Variants in ZC3H12B observed in about 807,000 individuals in gnomAD.
The protein encoded by ZC3H12B is zinc finger CCCH-type containing 12B, also known as probable ribonuclease ZC3H12B.
A neutral mutation model predicts 43.9 loss-of-function variants in ZC3H12B; 7 were observed. The observed-to-expected ratio is 0.16, with a 90% CI of 0.09 to 0.30. ZC3H12B has a LOEUF of 0.30. ZC3H12B is among the 10% of genes least tolerant of loss of function. The pLI is 1.00. For synonymous variants in ZC3H12B, 222 were observed against 241.7 expected (o/e 0.92, Z 0.76); for missense variants, 475 against 670.2 (o/e 0.71, Z 3.22).
At chrX:65,231,294 A>C in the ZC3H12B span, among the ~76,000 whole-genome samples, 1 of 111,317 alleles carries the variant, frequency 9.0e-6, no homozygotes, top group Non-Finnish European at 1.9e-5. Context: ...GCAAGATCAC[A>C]AGGCAAGGGC....
At chrX:65,161,462 T>G in the ZC3H12B span, among the ~76,000 whole-genome samples, 1 of 112,083 alleles carries the variant, frequency 8.9e-6, no homozygotes, top group Admixed American at 9.5e-5. Context: ...TGGGTGCATA[T>G]ATATTAATGA....
chrX:65,161,814 G>T, the ZC3H12B span, among the ~76,000 whole-genome samples: 3 of 111,609 alleles, frequency 2.7e-5, no homozygotes, highest in Non-Finnish European at 3.8e-5. Flanking sequence ...TATGGTGTTA[G>T]TTAGCTGGTT....
intron 3 of ZC3H12B, among the ~76,000 whole-genome samples, chrX:65,453,366 A>G (rs1186857253): frequency 1.7e-4 from 10 of 60,119 alleles, no homozygotes; most frequent in African/African-American, 9.3e-4. Flanking sequence ...ATGCATATAT[A>G]TATATATATA....
chrX:65,174,341 A>G, the ZC3H12B span, among the ~76,000 whole-genome samples: 1 of 112,416 alleles, frequency 8.9e-6, no homozygotes, highest in Non-Finnish European at 1.9e-5. Context: ...TTATCCATCC[A>G]AGGATTGAAA....
At chrX:65,380,154 G>C (rs2066415672) in intron 2 of ZC3H12B, among the ~76,000 whole-genome samples, 1 of 111,541 alleles carries the variant, frequency 9.0e-6, no homozygotes, top group Non-Finnish European at 1.9e-5. Context: ...AAACATAATT[G>C]TCAGATTCAC....
upstream of ZC3H12B, among the ~76,000 whole-genome samples, chrX:65,365,558 A>T (rs1165037805): frequency 9.0e-6 from 1 of 110,883 alleles, no homozygotes; most frequent in Admixed American, 9.6e-5. Flanking sequence ...TAGACCTGAA[A>T]AATATCGCCC....
At chrX:65,141,794 C>T in the ZC3H12B span, among the ~76,000 whole-genome samples, 67 of 111,611 alleles carry the variant, frequency 6.0e-4, 1 homozygote, top group African/African-American at 2.1e-3. Context: ...AGTTACTTCA[C>T]TTAGAATAAT....
the ZC3H12B span, among the ~76,000 whole-genome samples, chrX:65,102,381 C>T: frequency 2.7e-5 from 3 of 111,666 alleles, no homozygotes; most frequent in Admixed American, 2.9e-4. Flanking sequence ...GAAGTTCTGG[C>T]CAGAGCAATC....
chrX:65,454,881 T>A (rs1329002498), intron 3 of ZC3H12B, among the ~76,000 whole-genome samples: 1 of 111,805 alleles, frequency 8.9e-6, no homozygotes. Flanking sequence ...CTGGAGTGGA[T>A]TTCCGGCAAA....
intron 2 of ZC3H12B, among the ~76,000 whole-genome samples, chrX:65,381,991 C>A (rs1007211229): frequency 9.0e-6 from 1 of 111,639 alleles, no homozygotes; most frequent in Non-Finnish European, 1.9e-5. Flanking sequence ...AGTCCAGGAC[C>A]AGATGGATTC....
chrX:65,222,697 A>G, the ZC3H12B span, among the ~76,000 whole-genome samples: 3 of 109,118 alleles, frequency 2.7e-5, no homozygotes, highest in East Asian at 2.8e-4. Context: ...AGACCTCTAC[A>G]TGGAAAAACT....
chrX:65,388,176 G>C (rs913500278), intron 2 of ZC3H12B, among the ~76,000 whole-genome samples: 1 of 111,462 alleles, frequency 9.0e-6, no homozygotes, highest in African/African-American at 3.3e-5. Context: ...TCCTGAATTT[G>C]AATGTTGGCC....
At chrX:65,261,391 G>A in the ZC3H12B span, among the ~76,000 whole-genome samples, 1 of 111,199 alleles carries the variant, frequency 9.0e-6, no homozygotes, top group South Asian at 3.7e-4. Flanking sequence ...TCTAGAAATA[G>A]CCTTCCATAA....
rs1397851991 is a variant in ZC3H12B at position 65,480,771 on chromosome X, G to A, written n.408-7875G>A. ...TGAGACAGGAGAATCGCTTGAACCC[G>A]GGAGGCGGAGTTTGCAGTGAGCCGA... is the stretch of plus-strand genomic sequence containing the variant. On this transcript the variant is annotated intron_variant and non_coding_transcript_variant, in intron 3 of 5. Coordinates refer to the ZC3H12B transcript ENST00000617377. 4.6e-5 allele frequency among the ~76,000 whole-genome samples: 5 copies of A among 109,476 alleles called. No individual in the cohort carries two copies. In the East Asian group the frequency reaches 1.1e-3, roughly 25 times the overall value.
At chrX:65,238,387 G>T in the ZC3H12B span, among the ~76,000 whole-genome samples, 1 of 112,040 alleles carries the variant, frequency 8.9e-6, no homozygotes, top group Non-Finnish European at 1.9e-5. Context: ...GTGTATAGAG[G>T]TGTTCGTGGT....
intron 3 of ZC3H12B, among the ~76,000 whole-genome samples, chrX:65,428,745 T>C (rs866242448): frequency 1.8e-5 from 2 of 112,550 alleles, no homozygotes; most frequent in Admixed American, 9.4e-5. Context: ...TTCTGAAGCC[T>C]ACTTCTGTTA....
intron 2 of ZC3H12B, among the ~76,000 whole-genome samples, chrX:65,374,085 T>C (rs1156460465): frequency 1.6e-5 from 1 of 62,562 alleles, no homozygotes; most frequent in African/African-American, 1.0e-4. Flanking sequence ...TAACTATATA[T>C]AGTATATATA....
At chrX:65,228,657 G>A in the ZC3H12B span, among the ~76,000 whole-genome samples, 1 of 111,900 alleles carries the variant, frequency 8.9e-6, no homozygotes, top group Non-Finnish European at 1.9e-5. Flanking sequence ...CCCAAAATCT[G>A]CTTAAGCTGA....
At chrX:65,057,319 A>G in the ZC3H12B span, among the ~76,000 whole-genome samples, 2 of 111,052 alleles carry the variant, frequency 1.8e-5, no homozygotes, top group Middle Eastern at 4.2e-3. Flanking sequence ...TCTGTAAAGG[A>G]TTTTATTTCT....
Sources: gnomAD v4.1 joint callset for allele counts (sites outside exome capture counted in the v4.1 genomes callset) on GRCh38, gnomAD v4.1.1 for gene constraint, MANE v1.5 for transcripts, NCBI Gene and HGNC (gene_info 2026-07-23, HGNC 2026-07-21) for gene names.